Variants in LRRTM4 observed in about 807,000 individuals in gnomAD.
The protein encoded by LRRTM4 is leucine rich repeat transmembrane neuronal 4.
LRRTM4 carries 25 observed loss-of-function variants against 47.6 expected under a neutral mutation model. That is an observed-to-expected ratio of 0.53 (90% confidence interval 0.38 to 0.73). The LOEUF is 0.73. LRRTM4 is among the 30% of genes least tolerant of loss of function. The pLI, the probability that LRRTM4 is intolerant of heterozygous loss-of-function variation, is 0.00. For synonymous variants in LRRTM4, 311 were observed against 269.5 expected (o/e 1.15, Z -1.51); for missense variants, 638 against 713.4 (o/e 0.89, Z 1.20).
At chr2:76,752,724 G>GTACA (rs1355126263) in intron 3 of LRRTM4, among the ~76,000 whole-genome samples, 1 of 152,144 alleles carries the variant, frequency 6.6e-6, no homozygotes, top group Non-Finnish European at 1.5e-5. Flanking sequence ...CAGTAATAGT[G>GTACA]TACAGTACAT....
chr2:77,016,871 T>C (rs1205930711), intron 3 of LRRTM4, among the ~76,000 whole-genome samples: 3 of 152,168 alleles, frequency 2.0e-5, no homozygotes, highest in African/African-American at 4.8e-5. Flanking sequence ...AATGATACTT[T>C]ATTGACTTTT....
chr2:77,312,867 A>T (rs1012420743), intron 3 of LRRTM4, among the ~76,000 whole-genome samples: 1 of 152,158 alleles, frequency 6.6e-6, no homozygotes. Context: ...AAGTCACACA[A>T]ATGAGGTCAA....
chr2:76,916,139 G>A (rs1674235510), intron 3 of LRRTM4, among the ~76,000 whole-genome samples: 1 of 151,752 alleles, frequency 6.6e-6, no homozygotes, highest in African/African-American at 2.4e-5. Flanking sequence ...AAATTCCAGA[G>A]GAAAGAAAAA....
At chr2:77,397,752 C>T (rs1300242960) in intron 3 of LRRTM4, among the ~76,000 whole-genome samples, 1 of 151,828 alleles carries the variant, frequency 6.6e-6, no homozygotes, top group Non-Finnish European at 1.5e-5. Flanking sequence ...AATGTACTGT[C>T]CTCTTATCAG....
intron 3 of LRRTM4, among the ~76,000 whole-genome samples, chr2:76,940,059 A>G (rs1356354710): frequency 1.3e-5 from 2 of 152,330 alleles, no homozygotes; most frequent in African/African-American, 4.8e-5. Context: ...AATCAGTTCA[A>G]CCTTTGTGGA....
At chr2:77,327,156 T>A (rs1670806644) in intron 3 of LRRTM4, among the ~76,000 whole-genome samples, 1 of 152,224 alleles carries the variant, frequency 6.6e-6, no homozygotes, top group South Asian at 2.1e-4. Context: ...GCGGTCAAGC[T>A]AATTATTTAT....
intron 3 of LRRTM4, among the ~76,000 whole-genome samples, chr2:76,791,832 A>C (rs1212435603): frequency 6.6e-6 from 1 of 152,210 alleles, no homozygotes; most frequent in Non-Finnish European, 1.5e-5. Flanking sequence ...AATCAAGTCA[A>C]AACATTGTAA....
intron 3 of LRRTM4, among the ~76,000 whole-genome samples, chr2:76,806,557 GACA>G (rs1178135032): frequency 5.3e-5 from 8 of 151,684 alleles, no homozygotes; most frequent in African/African-American, 1.5e-4. Flanking sequence ...CTCCAGCCTG[GACA>G]ACAAGAGGAA....
intron 3 of LRRTM4, among the ~76,000 whole-genome samples, chr2:77,506,569 G>T (rs916471390): frequency 1.3e-5 from 2 of 151,748 alleles, no homozygotes; most frequent in Non-Finnish European, 3.0e-5. Context: ...TGCTAAAAAA[G>T]AGATAATAAA....
intron 3 of LRRTM4, among the ~76,000 whole-genome samples, chr2:76,802,700 T>A (rs781113421): frequency 1.3e-5 from 2 of 152,080 alleles, no homozygotes; most frequent in Non-Finnish European, 2.9e-5. Flanking sequence ...ACTACCTGAC[T>A]TCCTTCAAAG....
intron 3 of LRRTM4, among the ~76,000 whole-genome samples, chr2:76,918,164 T>C (rs1174532091): frequency 6.6e-6 from 1 of 152,206 alleles, no homozygotes; most frequent in East Asian, 1.9e-4. Context: ...ATTGTCACAA[T>C]ACACTAATAC....
At chr2:77,376,243 CA>C (rs958950985) in intron 3 of LRRTM4, among the ~76,000 whole-genome samples, 3 of 150,610 alleles carry the variant, frequency 2.0e-5, no homozygotes, top group Non-Finnish European at 4.4e-5. Flanking sequence ...TTTGGATTTA[CA>C]AAAAAAAATT....
intron 3 of LRRTM4, among the ~76,000 whole-genome samples, chr2:77,122,490 T>G (rs1671545384): frequency 6.7e-6 from 1 of 149,872 alleles, no homozygotes; most frequent in Admixed American, 6.7e-5. Context: ...AAATACTATA[T>G]ATACTATATA....
intron 3 of LRRTM4, among the ~76,000 whole-genome samples, chr2:77,417,775 G>A (rs116524737): frequency 0.029 from 4,357 of 151,420 alleles, 74 homozygotes; most frequent in African/African-American, 0.043. Flanking sequence ...GGGGGGGAAG[G>A]GGGGAGGAAT....
chr2:77,431,523 C>T (rs1196882320), intron 3 of LRRTM4, among the ~76,000 whole-genome samples: 1 of 148,832 alleles, frequency 6.7e-6, no homozygotes, highest in Admixed American at 6.6e-5. Context: ...ATGCAAAATG[C>T]ATCCACTCCA....
chr2:77,281,703 G>C (rs1676510864), intron 3 of LRRTM4, among the ~76,000 whole-genome samples: 3 of 151,638 alleles, frequency 2.0e-5, no homozygotes, highest in Non-Finnish European at 2.9e-5. Flanking sequence ...AATACCTTTA[G>C]CCTTTCAAGA....
At chr2:77,237,098 A>G (rs996560304) in intron 3 of LRRTM4, among the ~76,000 whole-genome samples, 2 of 150,738 alleles carry the variant, frequency 1.3e-5, no homozygotes, top group African/African-American at 2.4e-5. Flanking sequence ...GAATAGTTAC[A>G]GTAGAATTGG....
chr2:76,884,081 A>T (rs1288424968), intron 3 of LRRTM4, among the ~76,000 whole-genome samples: 2 of 151,908 alleles, frequency 1.3e-5, no homozygotes, highest in African/African-American at 2.4e-5. Flanking sequence ...CGACCTCCCA[A>T]ATTGTTGAAC....
intron 3 of LRRTM4, among the ~76,000 whole-genome samples, chr2:77,426,513 A>G (rs1675110718): frequency 6.6e-6 from 1 of 152,006 alleles, no homozygotes; most frequent in Admixed American, 6.6e-5. Context: ...ATCCCCACCC[A>G]AACCTCATCT....
Sources: allele counts gnomAD v4.1 joint callset (sites outside exome capture counted in the v4.1 genomes callset), GRCh38; gene constraint gnomAD v4.1.1; transcripts MANE v1.5; gene names NCBI Gene and HGNC (gene_info 2026-07-23, HGNC 2026-07-21).